The following MYO18B variants were observed in gnomAD, a reference collection of about 807,000 sequenced individuals.
The protein encoded by MYO18B is unconventional myosin-XVIIIb.
MYO18B carries 204 observed loss-of-function variants against 273.0 expected under a neutral mutation model. That is an observed-to-expected ratio of 0.75 (90% CI 0.67 to 0.84). MYO18B has a LOEUF of 0.84. MYO18B is among the 40% of genes least tolerant of loss of function. The pLI, the probability that MYO18B is intolerant of heterozygous loss-of-function variation, is 0.00. For missense variants in MYO18B, 3,212 were observed against 3,287.6 expected, an observed-to-expected ratio of 0.98 and a Z score of 0.56; for synonymous variants, 1,330 against 1,305.7, an observed-to-expected ratio of 1.02 and a Z score of -0.40.
intron 21 of MYO18B, among the ~76,000 whole-genome samples, chr22:25,862,950 T>A (rs1266113027): frequency 2.0e-5 from 3 of 152,104 alleles, no homozygotes; most frequent in Non-Finnish European, 2.9e-5. Flanking sequence ...GTGCATATAT[T>A]GGCACGCTTG....
intron 12 of MYO18B, among the ~76,000 whole-genome samples, chr22:25,821,303 C>CTTT (rs59356967): frequency 6.9e-6 from 1 of 144,650 alleles, no homozygotes; most frequent in African/African-American, 2.5e-5. Flanking sequence ...CTAAGAGTTC[C>CTTT]TTTTTTTTTT....
intron 24 of MYO18B, among the ~76,000 whole-genome samples, 154 bp from the exon 25 acceptor site, chr22:25,877,805 T>G (rs1466357194): frequency 6.6e-6 from 1 of 152,174 alleles, no homozygotes; most frequent in African/African-American, 2.4e-5. Context: ...AAATATACAG[T>G]GCACCATTAT....
intron 28 of MYO18B, chr22:25,897,179 T>C (rs1327117649): frequency 6.6e-6 from 1 of 152,244 alleles, no homozygotes; most frequent in African/African-American, 2.4e-5. Context: ...CCTCATCATG[T>C]TGTATTGTAA....
At chr22:26,051,300 C>T in the MYO18B span, among the ~76,000 whole-genome samples, 5 of 150,076 alleles carry the variant, frequency 3.3e-5, no homozygotes, top group South Asian at 2.1e-4. Flanking sequence ...CTCTGCTCAC[C>T]GCAAGCTCCA....
At chr22:25,832,812 G>A (rs901588453) in intron 15 of MYO18B, 105 bp from the exon 16 acceptor site, 3 of 939,698 alleles carry the variant, frequency 3.2e-6, no homozygotes, top group African/African-American at 1.7e-5. Context: ...TTTTTTAAAG[G>A]GCCAAGAGGT....
At chr22:25,771,075 T>G (rs1258360585) in intron 6 of MYO18B, 91 bp downstream of exon 6, 3 of 942,248 alleles carry the variant, frequency 3.2e-6, no homozygotes, top group Non-Finnish European at 4.9e-6. Context: ...CTGCAAGAGA[T>G]TTCCTTGTTC....
chr22:26,045,048 TG>T, the MYO18B span, among the ~76,000 whole-genome samples: 1 of 150,926 alleles, frequency 6.6e-6, no homozygotes, highest in Non-Finnish European at 1.5e-5. Context: ...CCTATGTGAC[TG>T]TTTTTTTTTG....
At chr22:26,006,129 A>G (rs907832469) in intron 42 of MYO18B, among the ~76,000 whole-genome samples, 2 of 152,204 alleles carry the variant, frequency 1.3e-5, no homozygotes, top group Non-Finnish European at 2.9e-5. Context: ...CCAGAGAAGA[A>G]TGTGAATGCT....
At chr22:26,047,458 G>C in the MYO18B span, among the ~76,000 whole-genome samples, 1 of 152,124 alleles carries the variant, frequency 6.6e-6, no homozygotes, top group African/African-American at 2.4e-5. Flanking sequence ...GTATGTTTAG[G>C]GGGGATGCTA....
intron 32 of MYO18B, 122 bp from the exon 33 acceptor site, chr22:25,910,824 C>A: frequency 1.4e-6 from 1 of 736,456 alleles, no homozygotes; most frequent in Non-Finnish European, 2.3e-6. Flanking sequence ...ATCACTAGGG[C>A]AGCCTCATGG....
chr22:25,798,190 G>T, intron 12 of MYO18B, 93 bp downstream of exon 12: 2 of 1,401,568 alleles, frequency 1.4e-6, no homozygotes, highest in Non-Finnish European at 1.9e-6. Flanking sequence ...TGGGAACAGG[G>T]TCAATCTGTC....
intron 34 of MYO18B, among the ~76,000 whole-genome samples, chr22:25,941,304 C>T (rs550514036): frequency 9.9e-5 from 15 of 152,234 alleles, no homozygotes; most frequent in African/African-American, 3.6e-4. Flanking sequence ...TACTCAGAGT[C>T]GAAAGGTGGG....
In MYO18B at chr22:25,846,336, A is replaced by T. The variant is rs142849299; in HGVS notation, c.3552+53A>T. 2.0e-3 allele frequency: 3,167 copies of T among 1,586,198 alleles called. 12 individuals carry two copies. Among genetic ancestry groups the T allele is most frequent in the South Asian group, 6.3e-3 (563 of 89,572 alleles). Reference sequence around the variant, plus strand: ...CCTGGCCTTCACTGCCTCCATCCTCATCTCCTCTGGGCTGAGTCATGTGCC... The same window carrying T: ...CCTGGCCTTCACTGCCTCCATCCTCTTCTCCTCTGGGCTGAGTCATGTGCC... On this transcript the variant is annotated intron_variant, in intron 19 of 43. Transcript: ENST00000335473.
chr22:26,019,634 G>A (rs1935653026), intron 42 of MYO18B, among the ~76,000 whole-genome samples: 1 of 152,186 alleles, frequency 6.6e-6, no homozygotes, highest in Admixed American at 6.5e-5. Context: ...AAATATTCAG[G>A]TCATCTTCAA....
At chr22:25,832,865 TC>T (rs2089761609) in intron 15 of MYO18B, 51 bp from the exon 16 acceptor site, 2 of 1,483,506 alleles carry the variant, frequency 1.3e-6, no homozygotes, top group Admixed American at 3.4e-5. Context: ...GAAGTTTTCT[TC>T]CCCCTTCAGC....
At chr22:25,754,907 A>G (rs2086061153) in intron 1 of MYO18B, among the ~76,000 whole-genome samples, 1 of 152,214 alleles carries the variant, frequency 6.6e-6, no homozygotes, top group East Asian at 1.9e-4. Context: ...TACGACAGCC[A>G]GGATTCCCCC....
chr22:25,826,867 C>T (rs2089511295), intron 14 of MYO18B, among the ~76,000 whole-genome samples: 1 of 152,112 alleles, frequency 6.6e-6, no homozygotes, highest in East Asian at 1.9e-4. Context: ...CAAGACCAGC[C>T]TGGCCAACAT....
At chr22:25,857,530 G>A (rs1003027122) in intron 21 of MYO18B, among the ~76,000 whole-genome samples, 2 of 152,198 alleles carry the variant, frequency 1.3e-5, no homozygotes. Flanking sequence ...CCATGGCCAG[G>A]GAGGGAGCTG....
Position 25,832,887 on chromosome 22 carries a change from T to C in MYO18B, c.2980-30T>C, listed in dbSNP as rs139484888. ...TCTTCCCCCTTCAGCTCGCTAAAAGTGCTAACTTTTAAATCCTGTTATTTT... is the reference window on the plus strand; with the variant it reads ...TCTTCCCCCTTCAGCTCGCTAAAAGCGCTAACTTTTAAATCCTGTTATTTT... On this transcript the variant is annotated intron_variant, in intron 15 of 43. Transcript: ENST00000335473. 2.8e-5 allele frequency: 45 copies of C among 1,600,996 alleles called. No homozygotes were observed. The Admixed American group carries it at 3.3e-4, about 12-fold the overall frequency.
Sources: allele counts gnomAD v4.1 joint callset (sites outside exome capture counted in the v4.1 genomes callset), GRCh38; gene constraint gnomAD v4.1.1; transcripts MANE v1.5; gene names NCBI Gene and HGNC (gene_info 2026-07-23, HGNC 2026-07-21).